YTHDF2: variants seen among roughly 807,000 people sequenced by gnomAD.
YTHDF2 encodes the protein YTH N6-methyladenosine RNA binding protein F2.
YTHDF2 carries 2 observed loss-of-function variants against 50.4 expected under a neutral mutation model. The ratio of observed to expected loss-of-function variants is 0.04; its 90% confidence interval spans 0.02 to 0.12. The LOEUF (loss-of-function observed/expected upper bound fraction) is 0.12, where lower values mean the gene tolerates loss of function less well. Among genes scored for constraint, YTHDF2 ranks in the 10% least tolerant of loss-of-function variants. The pLI, the probability that YTHDF2 is intolerant of heterozygous loss-of-function variation, is 1.00. For missense variants in YTHDF2, 483 were observed against 722.6 expected, an observed-to-expected ratio of 0.67 and a Z score of 3.80; for synonymous variants, 217 against 255.6, an observed-to-expected ratio of 0.85 and a Z score of 1.44.
chr1:28,745,995 C>T (rs528923466), intron 4 of YTHDF2, among the ~76,000 whole-genome samples: 11 of 152,118 alleles, frequency 7.2e-5, no homozygotes, highest in Non-Finnish European at 1.2e-4. Context: ...GCCATGATTG[C>T]ATCACTGCAC....
chr1:28,767,951 C>T (rs1314702259), intron 4 of YTHDF2, among the ~76,000 whole-genome samples: 1 of 150,940 alleles, frequency 6.6e-6, no homozygotes, highest in Non-Finnish European at 1.5e-5. Flanking sequence ...GCCTCTAATC[C>T]CAGCACTTTG....
chr1:28,756,031 G>T (rs1253776523), intron 4 of YTHDF2, among the ~76,000 whole-genome samples: 1 of 152,118 alleles, frequency 6.6e-6, no homozygotes, highest in East Asian at 1.9e-4. Context: ...ATAAAAAGTT[G>T]CTTTGCTATT....
intron 3 of YTHDF2, among the ~76,000 whole-genome samples, chr1:28,741,147 G>A (rs1478715415): frequency 1.3e-5 from 2 of 152,050 alleles, no homozygotes; most frequent in Non-Finnish European, 2.9e-5. Context: ...ACAGGCAGGT[G>A]CCACCACGCC....
At chr1:28,739,730 A>G (rs754192423) in intron 3 of YTHDF2, among the ~76,000 whole-genome samples, 1 of 152,170 alleles carries the variant, frequency 6.6e-6, no homozygotes, top group Non-Finnish European at 1.5e-5. Flanking sequence ...ATGAAGATCA[A>G]TAACGTTGGA....
intron 3 of YTHDF2, among the ~76,000 whole-genome samples, chr1:28,741,229 C>T (rs958394963): frequency 2.7e-5 from 4 of 150,760 alleles, no homozygotes; most frequent in African/African-American, 9.8e-5. Flanking sequence ...AACTCCTGGC[C>T]TCAAGTGATT....
intron 4 of YTHDF2, among the ~76,000 whole-genome samples, chr1:28,766,941 TC>T (rs1197866588): frequency 7.9e-5 from 12 of 151,208 alleles, no homozygotes; most frequent in African/African-American, 2.7e-4. Context: ...TAAGCCATCC[TC>T]CCAGCTCACC....
intron 4 of YTHDF2, among the ~76,000 whole-genome samples, chr1:28,764,745 G>A (rs2088191681): frequency 6.6e-6 from 1 of 151,688 alleles, no homozygotes; most frequent in South Asian, 2.1e-4. Flanking sequence ...GTTTTGCCAT[G>A]TTGGCCATGC....
intron 1 of YTHDF2, 58 bp downstream of exon 1, chr1:28,737,205 G>T: frequency 6.7e-7 from 1 of 1,491,176 alleles, no homozygotes. Context: ...AGCCCGACTA[G>T]GCCCGGGCCC....
chr1:28,759,085 A>C (rs376156784), intron 4 of YTHDF2, among the ~76,000 whole-genome samples: 1 of 152,310 alleles, frequency 6.6e-6, no homozygotes. Context: ...TCTTACTTTG[A>C]GATTCTTGTT....
chr1:28,750,337 C>T (rs1334694242), intron 4 of YTHDF2, among the ~76,000 whole-genome samples: 1 of 151,914 alleles, frequency 6.6e-6, no homozygotes, highest in African/African-American at 2.4e-5. Context: ...AAAGCTAGAA[C>T]GAATGGATAG....
intron 3 of YTHDF2, among the ~76,000 whole-genome samples, chr1:28,738,588 G>A (rs1237412652): frequency 6.6e-6 from 1 of 152,128 alleles, no homozygotes; most frequent in Non-Finnish European, 1.5e-5. Flanking sequence ...GGGATTACAC[G>A]TGTGCACCAC....
At chr1:28,740,979 C>G (rs763520360) in intron 3 of YTHDF2, among the ~76,000 whole-genome samples, 1 of 152,052 alleles carries the variant, frequency 6.6e-6, no homozygotes, top group Non-Finnish European at 1.5e-5. Context: ...GCTGGGATTA[C>G]AGGTGTGAGC....
In YTHDF2 at chr1:28,743,677, C is replaced by T. The variant is rs375157342; in HGVS notation, c.1407C>T (p.Gly469=). ...TCAACGGCAGTGGACACTTCTGTGG[C>T]GTGGCAGAAATGAAATCTGCTGTGG... ...FSVNGSGHFC[G]VAEMKSAVDY... is the part of the protein sequence containing the mutation. The change falls in exon 4 of 5, where the codon GGC becomes GGT. Residue 469 remains glycine, a synonymous_variant. Coordinates refer to ENST00000373812, the MANE Select transcript of YTHDF2 (RefSeq NM_016258.3). The surrounding 1 kb of genome is among the most constrained non-coding windows in gnomAD (Gnocchi z 6.9). 127 of 1,614,010 alleles carry T rather than the reference C, an allele frequency of 7.9e-5. No individual in the cohort carries two copies. Among genetic ancestry groups the T allele is most frequent in the African/African-American group, 1.7e-4 (13 of 74,882 alleles).
At position 28,742,408 on chromosome 1, in the gene YTHDF2, T is replaced by C. The variant is rs1381574158; in HGVS notation, c.138T>C (p.Asn46=). The C allele has an allele frequency of 4.5e-6, 7 of 1,555,062 alleles. No individual in the cohort carries two copies. Among genetic ancestry groups the C allele is most frequent in the Non-Finnish European group, 6.1e-6 (7 of 1,154,600 alleles). Residue 46 remains asparagine (N), a synonymous_variant, in exon 4 of 5, where the codon AAT becomes AAC. Transcript: ENST00000373812. ...PYLSPQARPN[N]AYTAMSDSYL... ...CCTTTTTTTTTCTTCCACAGAATAA[T>C]GCATATACTGCCATGTCAGATTCCT...
rs2087930895 is a variant in YTHDF2 at position 28,750,269 on chromosome 1, A to T, written c.1716+6283A>T. Among the ~76,000 whole-genome samples, 2 of 152,254 alleles carry T rather than the reference A, an allele frequency of 1.3e-5. 1 individual carries two copies. Among genetic ancestry groups the T allele is most frequent in the Admixed American group, 1.3e-4 (2 of 15,288 alleles). On this transcript the variant is annotated intron_variant, in intron 4 of 4. Transcript: ENST00000373812. ...CTCCCAAAGTGCTGGGTTTACAGGC[A>T]TGAGCCACCATGCCCAGCCCAAATT...
At chr1:28,761,129 G>GTT (rs1440540368) in intron 4 of YTHDF2, among the ~76,000 whole-genome samples, 1 of 35,312 alleles carries the variant, frequency 2.8e-5, no homozygotes, top group African/African-American at 1.6e-4. Flanking sequence ...GTGTGTGTGT[G>GTT]TATTTTTTTT....
At chr1:28,758,633 A>G (rs955472230) in intron 4 of YTHDF2, among the ~76,000 whole-genome samples, 1 of 152,214 alleles carries the variant, frequency 6.6e-6, no homozygotes, top group Non-Finnish European at 1.5e-5. Flanking sequence ...AGTTCTGGAT[A>G]ATGCACAGCG....
chr1:28,764,604 T>C (rs2088189733), intron 4 of YTHDF2, among the ~76,000 whole-genome samples: 1 of 152,040 alleles, frequency 6.6e-6, no homozygotes, highest in Admixed American at 6.6e-5. Flanking sequence ...AGATGGGGTT[T>C]TGCCATGTTG....
chr1:28,753,311 C>T (rs1288319739), intron 4 of YTHDF2, among the ~76,000 whole-genome samples: 1 of 124,294 alleles, frequency 8.0e-6, no homozygotes, highest in Non-Finnish European at 1.6e-5. Context: ...CACTTGAACC[C>T]AGGAGTTTGA....
Sources: allele counts gnomAD v4.1 joint callset (sites outside exome capture counted in the v4.1 genomes callset), GRCh38; gene constraint gnomAD v4.1.1; non-coding constraint Gnocchi (gnomAD v3.1); transcripts MANE v1.5; gene names NCBI Gene and HGNC (gene_info 2026-07-23, HGNC 2026-07-21).